SLC5A4: variants seen among roughly 807,000 people sequenced by gnomAD.
The protein encoded by SLC5A4 is solute carrier family 5 member 4.
In SLC5A4, 55 loss-of-function variants were observed where a neutral mutation model predicts 70.3. The observed-to-expected ratio is 0.78, with a 90% CI of 0.63 to 0.98. The LOEUF (loss-of-function observed/expected upper bound fraction) is 0.98. Ranked by LOEUF, SLC5A4 falls within the 50% of genes least tolerant of loss-of-function variation. SLC5A4 has a pLI of 0.00. For missense variants in SLC5A4, 735 were observed against 839.2 expected, an observed-to-expected ratio of 0.88 and a Z score of 1.53; for synonymous variants, 268 against 305.7, an observed-to-expected ratio of 0.88 and a Z score of 1.29.
At chr22:32,272,871 G>A in the SLC5A4 span, 1 of 511,114 alleles carries the variant, frequency 2.0e-6, no homozygotes, top group Non-Finnish European at 3.8e-6. Flanking sequence ...ACTGGAGGCT[G>A]CTGATGCTGC....
chr22:32,229,332 A>T lies in SLC5A4; in HGVS notation c.1142T>A (p.Leu381Gln). The change falls in exon 11 of 15, where the codon CTG (leucine) becomes CAG (glutamine). Residue 381 changes from leucine (L) to glutamine (Q), a missense_variant. Transcript: ENST00000266086. The stretch of plus-strand genomic sequence containing the variant: ...AGAGGCCAGCATGACCGAAAGCATC[A>T]GGCCTCGCAGTCCTGGAGCCGGGAA... ...LELMPQGLRG[L>Q]MLSVMLASLM... is the part of the protein sequence containing the mutation. 6.2e-7 allele frequency: 1 copy of T among 1,614,214 alleles called. No individual in the cohort carries two copies. Among genetic ancestry groups the T allele is most frequent in the Non-Finnish European group, 8.5e-7 (1 of 1,180,026 alleles).
At chr22:32,350,161 T>C in the SLC5A4 span, among the ~76,000 whole-genome samples, 1 of 152,082 alleles carries the variant, frequency 6.6e-6, no homozygotes, top group Non-Finnish European at 1.5e-5. Flanking sequence ...CTGCCAGAAA[T>C]TACCTTAGCT....
chr22:32,257,886 T>C (rs898446000), upstream of SLC5A4, among the ~76,000 whole-genome samples: 1 of 151,696 alleles, frequency 6.6e-6, no homozygotes, highest in African/African-American at 2.4e-5. Context: ...ACCAGGCTGG[T>C]CTTGAACTCC....
At chr22:32,297,254 T>C in the SLC5A4 span, among the ~76,000 whole-genome samples, 2 of 149,224 alleles carry the variant, frequency 1.3e-5, no homozygotes, top group East Asian at 4.0e-4. Flanking sequence ...GTACCTCTGG[T>C]AGAATTTGGC....
the SLC5A4 span, among the ~76,000 whole-genome samples, chr22:32,342,451 T>C: frequency 1.3e-5 from 2 of 152,190 alleles, no homozygotes; most frequent in East Asian, 3.9e-4. Flanking sequence ...AAAAAACCAC[T>C]AGCAGGAGCT....
At chr22:32,350,579 C>A in the SLC5A4 span, among the ~76,000 whole-genome samples, 1 of 152,040 alleles carries the variant, frequency 6.6e-6, no homozygotes, top group South Asian at 2.1e-4. Context: ...AATCTGTAAA[C>A]AAATGACTAC....
chr22:32,324,404 T>G, the SLC5A4 span, among the ~76,000 whole-genome samples: 1 of 152,160 alleles, frequency 6.6e-6, no homozygotes, highest in African/African-American at 2.4e-5. Flanking sequence ...ATGTCTTAGC[T>G]GGGCCTCAGG....
At chr22:32,224,887 G>A (rs1603224640) in intron 12 of SLC5A4, among the ~76,000 whole-genome samples, 1 of 152,156 alleles carries the variant, frequency 6.6e-6, no homozygotes, top group East Asian at 1.9e-4. Flanking sequence ...TGAAGCTCTT[G>A]ATAATTTATT....
chr22:32,257,654 G>GT (rs1387025188), upstream of SLC5A4, among the ~76,000 whole-genome samples: 1 of 115,624 alleles, frequency 8.6e-6, no homozygotes, highest in African/African-American at 4.9e-5. Flanking sequence ...ACCCAGCAAG[G>GT]TTTTCTTTTT....
the SLC5A4 span, among the ~76,000 whole-genome samples, chr22:32,350,472 T>C: frequency 2.0e-5 from 3 of 152,164 alleles, no homozygotes; most frequent in Non-Finnish European, 2.9e-5. Context: ...ACAATTTTCC[T>C]CTGAATTTGT....
At chr22:32,348,106 C>T in the SLC5A4 span, among the ~76,000 whole-genome samples, 1 of 152,146 alleles carries the variant, frequency 6.6e-6, no homozygotes, top group Non-Finnish European at 1.5e-5. Context: ...ATAGTAAATC[C>T]TCCATAAACA....
the SLC5A4 span, among the ~76,000 whole-genome samples, chr22:32,308,206 A>T: frequency 6.0e-5 from 9 of 151,094 alleles, no homozygotes; most frequent in Non-Finnish European, 7.4e-5. Context: ...CTGTAAATTC[A>T]CTTCTGAAGG....
At chr22:32,260,198 C>T (rs1479162210), upstream of SLC5A4, among the ~76,000 whole-genome samples, 1 of 152,122 alleles carries the variant, frequency 6.6e-6, no homozygotes, top group Non-Finnish European at 1.5e-5. Context: ...AGCTTCTTAG[C>T]TGGAGGTAAA....
the SLC5A4 span, among the ~76,000 whole-genome samples, chr22:32,335,098 C>T: frequency 2.6e-5 from 4 of 152,174 alleles, no homozygotes; most frequent in African/African-American, 9.6e-5. Context: ...GTCTGCCAGC[C>T]TAGGGTAGGT....
At chr22:32,233,876 C>G (rs960495801) in intron 8 of SLC5A4, among the ~76,000 whole-genome samples, 8 of 148,644 alleles carry the variant, frequency 5.4e-5, no homozygotes, top group Non-Finnish European at 9.0e-5. Context: ...AAAAAAAAAG[C>G]TGAGGAAAAG....
At chr22:32,334,029 GCACA>G in the SLC5A4 span, among the ~76,000 whole-genome samples, 10,144 of 144,528 alleles carry the variant, frequency 0.07, 531 homozygotes, top group African/African-American at 0.15. Context: ...GATACACCAT[GCACA>G]CACACACACC....
At chr22:32,335,169 C>T in the SLC5A4 span, among the ~76,000 whole-genome samples, 21 of 152,172 alleles carry the variant, frequency 1.4e-4, no homozygotes, top group Admixed American at 6.5e-4. Context: ...CCCTGGGACA[C>T]CCCTGCAGCT....
the SLC5A4 span, among the ~76,000 whole-genome samples, chr22:32,292,072 GTATATA>G: frequency 7.7e-6 from 1 of 130,454 alleles, no homozygotes; most frequent in Non-Finnish European, 1.6e-5. Context: ...CGGGGTTTTA[GTATATA>G]TATATAACAT....
chr22:32,302,493 G>A, the SLC5A4 span, among the ~76,000 whole-genome samples: 39,019 of 151,984 alleles, frequency 0.26, 5,023 homozygotes, highest in East Asian at 0.31. Context: ...TACTTAGTAT[G>A]TAAGACTTAG....
Sources: gnomAD v4.1 joint callset for allele counts (sites outside exome capture counted in the v4.1 genomes callset) on GRCh38, gnomAD v4.1.1 for gene constraint, MANE v1.5 for transcripts, NCBI Gene and HGNC (gene_info 2026-07-23, HGNC 2026-07-21) for gene names.